COL4A4: variants seen among roughly 807,000 people sequenced by gnomAD.
COL4A4 encodes the protein collagen type IV alpha 4 chain.
A neutral mutation model predicts 192.9 loss-of-function variants in COL4A4; 105 were observed. The observed-to-expected ratio is 0.54, with a 90% CI of 0.46 to 0.64. COL4A4 has a LOEUF of 0.64. COL4A4 is among the 30% of genes least tolerant of loss of function. The pLI is 0.00. For missense variants in COL4A4, 1,967 were observed against 2,169.3 expected (o/e 0.91, Z 1.85); for synonymous variants, 762 against 769.9 (o/e 0.99, Z 0.17).
downstream of COL4A4, among the ~76,000 whole-genome samples, chr2:226,999,888 G>A (rs966942342): frequency 6.6e-6 from 1 of 152,182 alleles, no homozygotes; most frequent in Non-Finnish European, 1.5e-5. Context: ...GAGGGTTTCT[G>A]CCAGGAAGTT....
At chr2:227,012,424 A>T in intron 44 of COL4A4, 127 bp from the exon 45 acceptor site, 1 of 743,148 alleles carries the variant, frequency 1.3e-6, no homozygotes, top group Admixed American at 2.0e-5. Flanking sequence ...TGAATGCATC[A>T]GCTCATTTAG....
the COL4A4 span, among the ~76,000 whole-genome samples, chr2:226,984,697 G>A: frequency 2.0e-5 from 3 of 152,142 alleles, no homozygotes; most frequent in Admixed American, 2.0e-4. Flanking sequence ...AGGAACCACT[G>A]GTGCTGGAGA....
chr2:227,022,928 TTTTGG>T (rs1215470818), intron 43 of COL4A4, among the ~76,000 whole-genome samples: 7 of 151,998 alleles, frequency 4.6e-5, no homozygotes, highest in Admixed American at 4.6e-4. Context: ...TGTCAGTAGT[TTTTGG>T]TTTGTTTGTT....
intron 20 of COL4A4, among the ~76,000 whole-genome samples, chr2:227,090,822 GA>G (rs1313805033): frequency 2.7e-5 from 4 of 147,584 alleles, no homozygotes; most frequent in Admixed American, 6.7e-5. Flanking sequence ...ACAGGACAAG[GA>G]AAAAGGGAGA....
At chr2:226,994,670 A>G in the COL4A4 span, among the ~76,000 whole-genome samples, 1 of 152,068 alleles carries the variant, frequency 6.6e-6, no homozygotes, top group Non-Finnish European at 1.5e-5. Context: ...CTCTTTCATT[A>G]CCTTTAGGTT....
At chr2:226,980,842 A>G in the COL4A4 span, among the ~76,000 whole-genome samples, 1 of 152,216 alleles carries the variant, frequency 6.6e-6, no homozygotes, top group Non-Finnish European at 1.5e-5. Flanking sequence ...TTTTCTGTTC[A>G]TAAAATGTTT....
At chr2:227,041,793 A>AAAGAAAGG (rs1559476549) in intron 37 of COL4A4, among the ~76,000 whole-genome samples, 30 of 56,256 alleles carry the variant, frequency 5.3e-4, no homozygotes, top group African/African-American at 1.9e-3. Flanking sequence ...GAAGGGAAAG[A>AAAGAAAGG]AAGAAAGAAA....
chr2:227,120,972 G>A (rs1445925792), intron 5 of COL4A4, 42 bp downstream of exon 5: 1 of 1,613,162 alleles, frequency 6.2e-7, no homozygotes, highest in Non-Finnish European at 8.5e-7. Flanking sequence ...CAGTAGTGCT[G>A]GTGAGTCTTT....
At position 227,089,955 on chromosome 2, in the gene COL4A4, T is replaced by G; in HGVS notation, c.1372A>C (p.Ile458Leu). Residue 458 changes from isoleucine (I) to leucine (L), a missense_variant and splice_region_variant, in exon 21 of 48, where the codon ATA becomes CTA. Transcript: ENST00000396625. The part of the protein sequence containing the change: ...GLQGLPGSSV[I>L]YCSVGNPGPQ... ...CCGGGGTTCCCAACACTACAGTATA[T>G]CACTGTCAAGGAGGTAAGGGGGTGG... 4 of 1,611,724 alleles carry G rather than the reference T, an allele frequency of 2.5e-6. No individual in the cohort carries two copies. The highest frequency in any genetic ancestry group is 3.4e-6 in the Non-Finnish European group (4 of 1,177,990).
At chr2:226,998,220 A>ATTC (rs1263108906), downstream of COL4A4, 1 of 152,186 alleles carries the variant, frequency 6.6e-6, no homozygotes, top group Non-Finnish European at 1.5e-5. Context: ...ATTGCCTGTG[A>ATTC]TTCCAAAGTT....
chr2:227,125,656 G>A (rs1229178675), intron 4 of COL4A4, among the ~76,000 whole-genome samples: 1 of 152,134 alleles, frequency 6.6e-6, no homozygotes, highest in African/African-American at 2.4e-5. Context: ...TTCTAGACAA[G>A]CTCTGTTCTT....
chr2:227,070,981 C>T (rs911736154), intron 25 of COL4A4, among the ~76,000 whole-genome samples: 10 of 151,972 alleles, frequency 6.6e-5, no homozygotes, highest in South Asian at 2.1e-4. Context: ...AGAACTCACA[C>T]GGCCTATAAT....
At chr2:227,164,486 G>A, upstream of COL4A4, 1 of 583,020 alleles carries the variant, frequency 1.7e-6, no homozygotes, top group Non-Finnish European at 3.0e-6. This position sits in a 1 kb window ranked among gnomAD's most constrained non-coding sequence, Gnocchi z 4.8. Flanking sequence ...TGCCTGGTAA[G>A]TTGGGAGGGA....
chr2:227,133,391 T>C (rs1055916855), intron 4 of COL4A4, among the ~76,000 whole-genome samples: 1 of 152,224 alleles, frequency 6.6e-6, no homozygotes, highest in African/African-American at 2.4e-5. Context: ...GCTTCTTTTC[T>C]CTCTTTTCTC....
intron 4 of COL4A4, among the ~76,000 whole-genome samples, chr2:227,136,653 C>T (rs1000436202): frequency 4.6e-5 from 7 of 152,168 alleles, no homozygotes; most frequent in Admixed American, 3.9e-4. Context: ...AGTTAAATTG[C>T]GAACCATGGC....
At chr2:227,164,267 T>TGCGCAGCCACCTCCCCACC (rs780121935), upstream of COL4A4, 6 of 226,942 alleles carry the variant, frequency 2.6e-5, no homozygotes, top group Admixed American at 1.2e-4. The surrounding 1 kb of genome is among the most constrained non-coding windows in gnomAD (Gnocchi z 4.8). Flanking sequence ...CCCTCCACCC[T>TGCGCAGCCACCTCCCCACC]GCGCAGCCAC....
chr2:226,995,614 A>T, the COL4A4 span: 1 of 902,016 alleles, frequency 1.1e-6, no homozygotes, highest in Non-Finnish European at 1.8e-6. Flanking sequence ...TTCATTTTAA[A>T]CAAAAGCAGA....
chr2:227,083,026 C>T (rs1416010690), intron 22 of COL4A4, among the ~76,000 whole-genome samples: 2 of 152,058 alleles, frequency 1.3e-5, no homozygotes, highest in African/African-American at 2.4e-5. Flanking sequence ...GCCAAGAGTT[C>T]GAGACTAGCC....
At chr2:226,981,709 G>A in the COL4A4 span, among the ~76,000 whole-genome samples, 15,664 of 152,242 alleles carry the variant, frequency 0.1, 885 homozygotes, top group Non-Finnish European at 0.12. Flanking sequence ...TACAGAAACA[G>A]GCGTGGTTTT....
Sources: allele counts gnomAD v4.1 joint callset (sites outside exome capture counted in the v4.1 genomes callset), GRCh38; gene constraint gnomAD v4.1.1; non-coding constraint Gnocchi (gnomAD v3.1); transcripts MANE v1.5; gene names NCBI Gene and HGNC (gene_info 2026-07-23, HGNC 2026-07-21).